Variants in NLGN4Y observed in about 807,000 individuals in gnomAD.
NLGN4Y encodes the protein neuroligin 4 Y-linked, also known as neuroligin-4, Y-linked.
A neutral mutation model predicts 8.4 loss-of-function variants in NLGN4Y; 4 were observed. That is an observed-to-expected ratio of 0.48 (90% CI 0.23 to 1.09). NLGN4Y has a LOEUF of 1.09. Ranked by LOEUF, NLGN4Y falls within the 50% of genes least tolerant of loss-of-function variation. NLGN4Y has a pLI of 0.19. For missense variants in NLGN4Y, 90 were observed against 192.3 expected (o/e 0.47, Z 3.15); for synonymous variants, 35 against 75.6 (o/e 0.46, Z 2.78).
intron 2 of NLGN4Y, among the ~76,000 whole-genome samples, chrY:14,646,490 G>A (rs2080611660): frequency 3.0e-5 from 1 of 33,572 alleles, no homozygotes; most frequent in Admixed American, 2.7e-4. Context: ...TCTATCTGGA[G>A]CTCTCAGATG....
At chrY:14,810,879 T>A in intron 4 of NLGN4Y, among the ~76,000 whole-genome samples, 1 of 33,216 alleles carries the variant, frequency 3.0e-5, no homozygotes, top group Non-Finnish European at 7.4e-5. Flanking sequence ...ATGTGTCTGT[T>A]ATAATTGTCT....
chrY:14,779,895 T>C (rs2081140825), intron 4 of NLGN4Y, among the ~76,000 whole-genome samples: 1 of 33,063 alleles, frequency 3.0e-5, no homozygotes, highest in Non-Finnish European at 7.4e-5. Flanking sequence ...CTTCGCACAC[T>C]CACTCAAGAA....
intron 4 of NLGN4Y, among the ~76,000 whole-genome samples, chrY:14,727,589 TTG>T (rs2080958932): frequency 3.0e-5 from 1 of 33,563 alleles, no homozygotes; most frequent in South Asian, 6.8e-4. Context: ...TTGCTTCACT[TTG>T]TGATTCATCA....
chrY:14,618,123 GAA>G (rs770476831), intron 1 of NLGN4Y, among the ~76,000 whole-genome samples: 1 of 16,914 alleles, frequency 5.9e-5, no homozygotes, highest in Non-Finnish European at 1.3e-4. Context: ...ACTGGATTAT[GAA>G]AAAAAAAAAA....
intron 4 of NLGN4Y, 37 bp downstream of exon 4, chrY:14,723,306 G>A (rs1161983968): frequency 2.7e-6 from 1 of 377,125 alleles, no homozygotes. Flanking sequence ...TAAGCAAGAG[G>A]AAACATGAAA....
At chrY:14,782,090 A>T in intron 4 of NLGN4Y, among the ~76,000 whole-genome samples, 1 of 33,313 alleles carries the variant, frequency 3.0e-5, no homozygotes, top group Non-Finnish European at 7.4e-5. Flanking sequence ...GGAAGGTTTC[A>T]TCAACTGATC....
chrY:14,794,878 A>T (rs2043000362), intron 4 of NLGN4Y, among the ~76,000 whole-genome samples: 5 of 33,675 alleles, frequency 1.5e-4, no homozygotes, highest in Admixed American at 2.7e-4. Context: ...AAGGAGTTTT[A>T]AAAAAAATTT....
chrY:14,769,468 C>T (rs2150572645), intron 4 of NLGN4Y, among the ~76,000 whole-genome samples: 1 of 32,352 alleles, frequency 3.1e-5, no homozygotes, highest in South Asian at 7.2e-4. Context: ...ACTCCATCCC[C>T]TACCCAAGGG....
chrY:14,599,708 C>T (rs2080419896), intron 1 of NLGN4Y, among the ~76,000 whole-genome samples: 1 of 33,012 alleles, frequency 3.0e-5, no homozygotes, highest in Non-Finnish European at 7.4e-5. Flanking sequence ...CATACTACCT[C>T]CCAGACACAT....
At chrY:14,654,776 T>C in intron 2 of NLGN4Y, among the ~76,000 whole-genome samples, 2 of 32,660 alleles carry the variant, frequency 6.1e-5, no homozygotes, top group Non-Finnish European at 1.5e-4. Flanking sequence ...TTTTCTCAAC[T>C]CTTTGGCATC....
At chrY:14,550,218 T>G (rs2080187339) in intron 1 of NLGN4Y, among the ~76,000 whole-genome samples, 1 of 34,257 alleles carries the variant, frequency 2.9e-5, no homozygotes, top group Non-Finnish European at 7.3e-5. Flanking sequence ...CTGAAAAGGT[T>G]GTTTTAGCTT....
intron 4 of NLGN4Y, among the ~76,000 whole-genome samples, chrY:14,806,590 A>T (rs1018916790): frequency 6.2e-5 from 2 of 32,375 alleles, no homozygotes; most frequent in African/African-American, 2.4e-4. Context: ...GAACAACACT[A>T]AGTTTGACCA....
At chrY:14,688,021 C>T (rs762235782) in intron 2 of NLGN4Y, among the ~76,000 whole-genome samples, 24 of 32,775 alleles carry the variant, frequency 7.3e-4, no homozygotes, top group African/African-American at 2.8e-3. Flanking sequence ...AAAATTTGCT[C>T]ATGATTTGGA....
chrY:14,826,529 T>C, intron 5 of NLGN4Y, among the ~76,000 whole-genome samples: 2 of 31,814 alleles, frequency 6.3e-5, no homozygotes. Flanking sequence ...TTAGTAGAGA[T>C]GGTTTTTTAC....
chrY:14,658,017 G>T (rs2150523085), intron 2 of NLGN4Y, among the ~76,000 whole-genome samples: 1 of 33,258 alleles, frequency 3.0e-5, no homozygotes, highest in South Asian at 6.7e-4. Context: ...TTTTACTTTA[G>T]ATCCAAGTGT....
chrY:14,580,836 C>T, intron 1 of NLGN4Y, among the ~76,000 whole-genome samples: 1 of 20,314 alleles, frequency 4.9e-5, no homozygotes, highest in Non-Finnish European at 1.0e-4. Flanking sequence ...TCCAAGAGCT[C>T]CAGACAAGCC....
At chrY:14,596,791 A>G (rs2080401796) in intron 1 of NLGN4Y, among the ~76,000 whole-genome samples, 2 of 33,191 alleles carry the variant, frequency 6.0e-5, no homozygotes, top group African/African-American at 2.3e-4. Context: ...AGATAGGACA[A>G]TATAGCAAGC....
intron 2 of NLGN4Y, among the ~76,000 whole-genome samples, chrY:14,684,318 G>T: frequency 3.0e-5 from 1 of 33,180 alleles, no homozygotes; most frequent in Non-Finnish European, 7.5e-5. Flanking sequence ...ATTTAGTTTT[G>T]CAATTAAGGA....
intron 4 of NLGN4Y, among the ~76,000 whole-genome samples, chrY:14,818,962 T>C (rs749582383): frequency 3.0e-5 from 1 of 33,224 alleles, no homozygotes; most frequent in South Asian, 7.1e-4. Flanking sequence ...CTGCAGCTGA[T>C]TGGATATGTG....
Sources: allele counts gnomAD v4.1 joint callset (sites outside exome capture counted in the v4.1 genomes callset), GRCh38; gene constraint gnomAD v4.1.1; transcripts MANE v1.5; gene names NCBI Gene and HGNC (gene_info 2026-07-23, HGNC 2026-07-21).